Variants in TRIM27 observed in about 807,000 individuals in gnomAD.
TRIM27 encodes zinc finger protein RFP.
TRIM27 carries 12 observed loss-of-function variants against 57.6 expected under a neutral mutation model. That is an observed-to-expected ratio of 0.21 (90% CI 0.13 to 0.34). The LOEUF is 0.34. TRIM27 is among the 10% of genes least tolerant of loss of function. The pLI, the probability that TRIM27 is intolerant of heterozygous loss-of-function variation, is 1.00. For missense variants in TRIM27, 403 were observed against 656.8 expected, an observed-to-expected ratio of 0.61 and a Z score of 4.22; for synonymous variants, 266 against 259.0, an observed-to-expected ratio of 1.03 and a Z score of -0.26.
chr6:28,918,636 G>A (rs1773795648), intron 3 of TRIM27, among the ~76,000 whole-genome samples: 3 of 152,144 alleles, frequency 2.0e-5, no homozygotes, highest in Admixed American at 1.3e-4. Flanking sequence ...CCAACACTTT[G>A]GGAGGCCGAG....
chr6:28,921,966 C>T lies in TRIM27; in HGVS notation c.442G>A (p.Asp148Asn). Residue 148 changes from aspartate to asparagine, a missense_variant, in exon 2 of 8, where the codon GAC becomes AAC. Physicochemically the swap from Asp to Asn is conservative, Grantham distance 23 (BLOSUM62 1). Coordinates refer to ENST00000377199, the MANE Select transcript of TRIM27 (RefSeq NM_006510.5). ...AAATCTTTCACTCTTTTTAAATGGT[C>T]GAGCTGGTTCTGGATTTGCTCCTGA... ...GFKEQIQNQLDHLKRVKDLKK... is the reference protein window; with the variant it reads ...GFKEQIQNQLNHLKRVKDLKK... 1 of 1,613,040 alleles carries T rather than the reference C, an allele frequency of 6.2e-7. No individual in the cohort carries two copies. The highest frequency in any genetic ancestry group is 8.5e-7 in the Non-Finnish European group (1 of 1,180,026).
chr6:28,916,507 G>A (rs1183696392), intron 3 of TRIM27, among the ~76,000 whole-genome samples: 1 of 151,474 alleles, frequency 6.6e-6, no homozygotes, highest in Non-Finnish European at 1.5e-5. Context: ...AGCGGAGATC[G>A]TGCCGTTACA....
intron 6 of TRIM27, 191 bp from the exon 7 acceptor site, chr6:28,907,453 G>A: frequency 1.4e-6 from 1 of 715,350 alleles, no homozygotes; most frequent in Non-Finnish European, 2.6e-6. Flanking sequence ...TTTAAGGGGA[G>A]AGGGATTGGG....
At chr6:28,917,274 G>A (rs1773680335) in intron 3 of TRIM27, among the ~76,000 whole-genome samples, 1 of 151,472 alleles carries the variant, frequency 6.6e-6, no homozygotes, top group African/African-American at 2.4e-5. Flanking sequence ...AAGCAAAGCT[G>A]ATAAGAAAGT....
chr6:28,920,433 A>AC (rs768418216), intron 2 of TRIM27, among the ~76,000 whole-genome samples, 191 bp from the exon 3 acceptor site: 1 of 152,296 alleles, frequency 6.6e-6, no homozygotes, highest in East Asian at 1.9e-4. Flanking sequence ...GTGATTATTA[A>AC]GACATAGTCC....
chr6:28,907,402 T>C (rs4996209), intron 6 of TRIM27, 140 bp from the exon 7 acceptor site: 1 of 796,566 alleles, frequency 1.3e-6, no homozygotes, highest in Non-Finnish European at 2.2e-6. Context: ...CATGCACTAA[T>C]TTTTTCATAT....
In TRIM27 at chr6:28,903,485, AC is replaced by A. The variant is rs1772537034; in HGVS notation, c.*584del. 1 of 233,782 alleles carries A rather than the reference AC, an allele frequency of 4.3e-6. No individual in the cohort carries two copies. Among genetic ancestry groups the A allele is most frequent in the African/African-American group, 2.2e-5 (1 of 45,366 alleles). 14.5% of individuals were successfully genotyped at this position (233,782 alleles called of 1,614,324 possible). On this transcript the variant is annotated 3_prime_UTR_variant, in exon 8 of 8. Coordinates refer to ENST00000377199, the MANE Select transcript of TRIM27 (RefSeq NM_006510.5). ...ATCTCATAACAGAGGTGGGGCCATT[AC>A]CCACCATTATTGTAAAATAACTGTA...
At chr6:28,911,019 CCTT>C (rs2150469575) in intron 4 of TRIM27, among the ~76,000 whole-genome samples, 1 of 152,270 alleles carries the variant, frequency 6.6e-6, no homozygotes, top group South Asian at 2.1e-4. Context: ...ATCTTAATCA[CCTT>C]CACAGTACAG....
At chr6:28,909,639 G>A (rs1200767217) in intron 4 of TRIM27, among the ~76,000 whole-genome samples, 1 of 152,176 alleles carries the variant, frequency 6.6e-6, no homozygotes, top group Non-Finnish European at 1.5e-5. Context: ...AAGGTTTACT[G>A]AATTACATAT....
intron 6 of TRIM27, 122 bp from the exon 7 acceptor site, chr6:28,907,384 T>A (rs993344905): frequency 1.1e-6 from 1 of 919,122 alleles, no homozygotes; most frequent in Non-Finnish European, 1.8e-6. Flanking sequence ...AGAACCTCTG[T>A]TGTTAGTCAT....
chr6:28,904,739 T>C lies in TRIM27; in HGVS notation c.947-74A>G, dbSNP rs1772639617. 2 of 1,066,476 alleles carry C rather than the reference T, an allele frequency of 1.9e-6. No homozygotes were observed. The highest frequency in any genetic ancestry group is 1.3e-6 in the Non-Finnish European group (1 of 752,728). 66.1% of individuals were successfully genotyped at this position (1,066,476 alleles called of 1,614,324 possible). ...TTTAGAACACCCAGCGCCTTTCTACTACCTCCCCAATAATAAGAGGTTCCC... is the reference window on the plus strand; with the variant it reads ...TTTAGAACACCCAGCGCCTTTCTACCACCTCCCCAATAATAAGAGGTTCCC... On this transcript the variant is annotated intron_variant, in intron 7 of 7. Coordinates refer to ENST00000377199, the MANE Select transcript of TRIM27 (RefSeq NM_006510.5). The surrounding 1 kb of genome is among the most constrained non-coding windows in gnomAD (Gnocchi z 6.1).
At chr6:28,922,326 T>C (rs1255156599) in intron 1 of TRIM27, among the ~76,000 whole-genome samples, 2 of 152,228 alleles carry the variant, frequency 1.3e-5, no homozygotes, top group African/African-American at 2.4e-5. Flanking sequence ...CTTAGAACTA[T>C]GTTGTATTGT....
intron 4 of TRIM27, among the ~76,000 whole-genome samples, chr6:28,909,989 T>C (rs776374178): frequency 2.6e-5 from 4 of 152,000 alleles, no homozygotes; most frequent in Non-Finnish European, 5.9e-5. Context: ...AAATGTAACA[T>C]GACAGGAAAC....
chr6:28,910,789 G>A lies in TRIM27; in HGVS notation c.770+907C>T, dbSNP rs146869135. On this transcript the variant is annotated intron_variant, in intron 4 of 7. Transcript: ENST00000377199. ...GCTAGACTGGCATCATAAAGTATCA[G>A]GTAACAGTATTATTTGCTTAGGTCA... Among the ~76,000 whole-genome samples the A allele has an allele frequency of 4.2e-3, 634 of 152,240 alleles. 6 individuals carry two copies. The highest frequency in any genetic ancestry group is 0.013 in the African/African-American group (555 of 41,548).
At chr6:28,908,892 G>A in intron 5 of TRIM27, 52 bp from the exon 6 acceptor site, 6 of 1,609,092 alleles carry the variant, frequency 3.7e-6, no homozygotes, top group Non-Finnish European at 5.1e-6. Flanking sequence ...TATCTGGCTG[G>A]AAAATTATCC....
chr6:28,914,172 GCC>G (rs1773429506), intron 3 of TRIM27, among the ~76,000 whole-genome samples: 1 of 138,204 alleles, frequency 7.2e-6, no homozygotes, highest in Non-Finnish European at 1.5e-5. Context: ...GTCTTGATCT[GCC>G]TCCCAGGCTG....
chr6:28,907,204 A>G, intron 7 of TRIM27, 32 bp downstream of exon 7: 1 of 1,594,568 alleles, frequency 6.3e-7, no homozygotes, highest in Non-Finnish European at 8.5e-7. Context: ...TTTACTCCTT[A>G]CCCTAATATG....
chr6:28,918,554 G>A (rs1314734933), intron 3 of TRIM27, among the ~76,000 whole-genome samples: 2 of 152,106 alleles, frequency 1.3e-5, no homozygotes, highest in Non-Finnish European at 2.9e-5. Flanking sequence ...AAGAAAGAAA[G>A]AAATACATTT....
At chr6:28,918,588 T>C (rs1773791444) in intron 3 of TRIM27, among the ~76,000 whole-genome samples, 1 of 151,948 alleles carries the variant, frequency 6.6e-6, no homozygotes, top group African/African-American at 2.4e-5. Context: ...CATTTAAAAA[T>C]GTAAACTGGC....
Sources: allele counts gnomAD v4.1 joint callset (sites outside exome capture counted in the v4.1 genomes callset), GRCh38; gene constraint gnomAD v4.1.1; non-coding constraint Gnocchi (gnomAD v3.1); transcripts MANE v1.5; gene names NCBI Gene and HGNC (gene_info 2026-07-23, HGNC 2026-07-21).